Variants in RBFOX1 observed in about 807,000 individuals in gnomAD.
RBFOX1 encodes RNA binding fox-1 homolog 1, also known as RNA binding protein fox-1 homolog 1.
Under a neutral mutation model 57.7 loss-of-function variants are expected in RBFOX1, and 8 were observed. The ratio of observed to expected loss-of-function variants is 0.14; its 90% confidence interval spans 0.08 to 0.25. RBFOX1 has a LOEUF of 0.25. Among genes scored for constraint, RBFOX1 ranks in the 10% least tolerant of loss-of-function variants. The probability of loss-of-function intolerance (pLI) is 1.00; values close to 1 mark genes in which losing one functional copy is unlikely to be tolerated. For synonymous variants in RBFOX1, 326 were observed against 222.4 expected (o/e 1.47, Z -4.15); for missense variants, 611 against 548.5 (o/e 1.11, Z -1.14).
chr16:6,911,026 C>A (rs1201586140), intron 3 of RBFOX1, among the ~76,000 whole-genome samples: 1 of 151,994 alleles, frequency 6.6e-6, no homozygotes, highest in Non-Finnish European at 1.5e-5. Flanking sequence ...CGTGGTGAAA[C>A]CCCGTCTCTA....
intron 4 of RBFOX1, among the ~76,000 whole-genome samples, chr16:5,889,694 C>T (rs143592891): frequency 6.6e-6 from 1 of 152,216 alleles, no homozygotes; most frequent in East Asian, 1.9e-4. Flanking sequence ...TGGAGGAGCG[C>T]CTGTCCGTGG....
At chr16:7,593,059 C>T (rs1364456119) in intron 7 of RBFOX1, among the ~76,000 whole-genome samples, 1 of 151,576 alleles carries the variant, frequency 6.6e-6, no homozygotes, top group Non-Finnish European at 1.5e-5. Flanking sequence ...AAGTGATCCT[C>T]CTGCCTTGGC....
intron 3 of RBFOX1, among the ~76,000 whole-genome samples, chr16:6,807,258 G>A (rs1485969380): frequency 1.3e-5 from 2 of 152,044 alleles, no homozygotes; most frequent in Non-Finnish European, 2.9e-5. Context: ...TTAAACTAAG[G>A]TATTGAGGGA....
chr16:6,882,139 A>G (rs983480179), intron 3 of RBFOX1, among the ~76,000 whole-genome samples: 2 of 152,188 alleles, frequency 1.3e-5, no homozygotes, highest in South Asian at 2.1e-4. Context: ...AAGGCTGCTG[A>G]TGGTCTTAGA....
At chr16:6,962,673 T>A (rs1257174214) in intron 3 of RBFOX1, among the ~76,000 whole-genome samples, 1 of 152,100 alleles carries the variant, frequency 6.6e-6, no homozygotes, top group Non-Finnish European at 1.5e-5. Context: ...AAGACCAGCC[T>A]GAGCAACACA....
intron 1 of RBFOX1, among the ~76,000 whole-genome samples, chr16:5,242,175 T>A (rs1469012431): frequency 6.6e-6 from 1 of 152,096 alleles, no homozygotes; most frequent in East Asian, 1.9e-4. Context: ...AGAATCTCCA[T>A]TAAAATGCTT....
chr16:7,009,360 C>T (rs925185411), intron 3 of RBFOX1, among the ~76,000 whole-genome samples: 21 of 150,450 alleles, frequency 1.4e-4, no homozygotes, highest in African/African-American at 4.2e-4. Context: ...CAAGCAGTCT[C>T]TTGGAATTAG....
At chr16:7,102,011 C>A (rs1007655473) in intron 4 of RBFOX1, among the ~76,000 whole-genome samples, 2 of 152,160 alleles carry the variant, frequency 1.3e-5, no homozygotes, top group African/African-American at 4.8e-5. Flanking sequence ...TTTCCTTACT[C>A]CAAATTTACA....
At chr16:6,857,965 T>C (rs1252566334) in intron 3 of RBFOX1, among the ~76,000 whole-genome samples, 1 of 152,176 alleles carries the variant, frequency 6.6e-6, no homozygotes, top group African/African-American at 2.4e-5. Context: ...TGGTTTTTCG[T>C]AGGTCAGATG....
At chr16:5,694,222 G>A (rs1222422962) in intron 3 of RBFOX1, among the ~76,000 whole-genome samples, 3 of 152,184 alleles carry the variant, frequency 2.0e-5, no homozygotes, top group Non-Finnish European at 4.4e-5. Flanking sequence ...GCAAGCCTGA[G>A]GGGTTTACCA....
At chr16:7,043,114 G>A (rs8045245) in intron 3 of RBFOX1, among the ~76,000 whole-genome samples, 37,848 of 151,604 alleles carry the variant, frequency 0.25, 5,375 homozygotes, top group East Asian at 0.45. Flanking sequence ...GTATCCTTGG[G>A]GAGGTCCTCC....
At chr16:7,341,911 A>T (rs1452648359) in intron 4 of RBFOX1, among the ~76,000 whole-genome samples, 1 of 151,682 alleles carries the variant, frequency 6.6e-6, no homozygotes, top group Non-Finnish European at 1.5e-5. Flanking sequence ...AAAGTAATAG[A>T]GTTCAACACA....
At chr16:7,016,170 C>T (rs371617701) in intron 3 of RBFOX1, among the ~76,000 whole-genome samples, 34 of 152,218 alleles carry the variant, frequency 2.2e-4, no homozygotes, top group Admixed American at 1.1e-3. Context: ...CATCCCTTGC[C>T]GCGGTGAATT....
At chr16:5,813,601 A>C (rs1206389825) in intron 3 of RBFOX1, among the ~76,000 whole-genome samples, 1 of 152,234 alleles carries the variant, frequency 6.6e-6, no homozygotes, top group East Asian at 1.9e-4. Context: ...AAATACCCAG[A>C]AAAGGCAAGT....
intron 4 of RBFOX1, among the ~76,000 whole-genome samples, chr16:5,950,816 C>G (rs2152276143): frequency 6.6e-6 from 1 of 152,078 alleles, no homozygotes; most frequent in African/African-American, 2.4e-5. Flanking sequence ...TCAAGGGAAA[C>G]TCAGTGTGGT....
chr16:5,624,663 C>G (rs576117973), intron 3 of RBFOX1, among the ~76,000 whole-genome samples: 2 of 152,366 alleles, frequency 1.3e-5, no homozygotes, highest in East Asian at 3.9e-4. Context: ...CTGCCAGCCA[C>G]TAGCTGAAGG....
intron 3 of RBFOX1, among the ~76,000 whole-genome samples, chr16:7,050,568 C>A (rs541127449): frequency 6.6e-6 from 1 of 152,178 alleles, no homozygotes; most frequent in South Asian, 2.1e-4. Context: ...GCCTGGCCTT[C>A]CTTCATTTTC....
At chr16:5,727,086 C>T (rs1487173189) in intron 3 of RBFOX1, among the ~76,000 whole-genome samples, 1 of 152,138 alleles carries the variant, frequency 6.6e-6, no homozygotes, top group Non-Finnish European at 1.5e-5. Context: ...TGGTAAAACC[C>T]TGTTTCTGCT....
chr16:5,356,550 G>A (rs2065394558), intron 1 of RBFOX1, among the ~76,000 whole-genome samples: 1 of 152,130 alleles, frequency 6.6e-6, no homozygotes. Context: ...TTATTTCTAG[G>A]GCAAGATTTT....
Sources: gnomAD v4.1 joint callset for allele counts (sites outside exome capture counted in the v4.1 genomes callset) on GRCh38, gnomAD v4.1.1 for gene constraint, MANE v1.5 for transcripts, NCBI Gene and HGNC (gene_info 2026-07-23, HGNC 2026-07-21) for gene names.